Variants in SLC28A1 observed in about 807,000 individuals in gnomAD.
The protein encoded by SLC28A1 is sodium/nucleoside cotransporter 1.
In SLC28A1, 64 loss-of-function variants were observed where a neutral mutation model predicts 74.8. The observed-to-expected ratio is 0.86, with a 90% CI of 0.70 to 1.05. SLC28A1 has a LOEUF of 1.05. SLC28A1 is among the 50% of genes least tolerant of loss of function. The pLI, the probability that SLC28A1 is intolerant of heterozygous loss-of-function variation, is 0.00. For synonymous variants in SLC28A1, 359 were observed against 335.0 expected, an observed-to-expected ratio of 1.07 and a Z score of -0.78; for missense variants, 828 against 822.8, an observed-to-expected ratio of 1.01 and a Z score of -0.08.
At chr15:84,927,893 T>C (rs906697839) in intron 12 of SLC28A1, among the ~76,000 whole-genome samples, 1 of 95,732 alleles carries the variant, frequency 1.0e-5, no homozygotes, top group African/African-American at 4.3e-5. Flanking sequence ...GAAACTTTTT[T>C]TCATGGCAGG....
intron 6 of SLC28A1, among the ~76,000 whole-genome samples, chr15:84,898,602 C>A (rs988341630): frequency 6.7e-6 from 1 of 149,312 alleles, no homozygotes; most frequent in African/African-American, 2.5e-5. Context: ...AAAATACATG[C>A]ATTTGATTTT....
intron 7 of SLC28A1, 27 bp downstream of exon 7, chr15:84,904,265 C>G: frequency 6.2e-7 from 1 of 1,612,808 alleles, no homozygotes. Context: ...GGGCCCAGGG[C>G]TGGAAGTGTT....
chr15:84,945,236 G>T lies in SLC28A1; in HGVS notation c.*36G>T. 6.3e-7 allele frequency: 1 copy of T among 1,592,138 alleles called. No homozygotes were observed. Among genetic ancestry groups the T allele is most frequent in the Non-Finnish European group, 8.6e-7 (1 of 1,160,084 alleles). On this transcript the variant is annotated 3_prime_UTR_variant, in exon 19 of 19. Coordinates refer to ENST00000394573, the MANE Select transcript of SLC28A1 (RefSeq NM_004213.5). ...TGCTTGTGCTTCTGCGCTTCTGAGG[G>T]CTGTTCTCCCCCGGGAACCATCTGT... is the stretch of plus-strand genomic sequence containing the variant.
At chr15:84,892,356 G>T (rs1320781677) in intron 5 of SLC28A1, among the ~76,000 whole-genome samples, 1 of 152,072 alleles carries the variant, frequency 6.6e-6, no homozygotes, top group Admixed American at 6.6e-5. Flanking sequence ...GATGGGGTGG[G>T]TCCATGTCCC....
downstream of SLC28A1, among the ~76,000 whole-genome samples, chr15:84,946,724 C>T (rs979874390): frequency 2.0e-5 from 3 of 152,106 alleles, no homozygotes; most frequent in Admixed American, 6.5e-5. Flanking sequence ...TCACCTCCCT[C>T]GCTGCCTTTC....
chr15:84,888,399 A>C (rs1202476376), intron 3 of SLC28A1, among the ~76,000 whole-genome samples: 49 of 127,304 alleles, frequency 3.8e-4, no homozygotes, highest in South Asian at 6.2e-4. Context: ...AAGAATACCC[A>C]CCCCCCACCC....
intron 9 of SLC28A1, among the ~76,000 whole-genome samples, chr15:84,910,420 T>C (rs16974607): frequency 0.019 from 2,952 of 152,306 alleles, 89 homozygotes; most frequent in African/African-American, 0.067. Context: ...CTCCCGCAGC[T>C]TCTTACACTT....
At position 84,908,671 on chromosome 15, in the gene SLC28A1, T is replaced by C. The variant is rs771569162; in HGVS notation, c.718-47T>C. The C allele has an allele frequency of 3.3e-6, 5 of 1,533,244 alleles. No individual in the cohort carries two copies. In the South Asian group the frequency reaches 5.6e-5, roughly 17 times the overall value. The allele number at this position is 1,533,244 out of a possible 1,614,324, so 95.0% of individuals were successfully genotyped here. A position where few individuals can be genotyped will look rare whatever the true frequency, so the allele number is the denominator to read the frequency against. ...GGCCGCTGCTTCCTCCCTCCTCCCT[T>C]CCCAGCCTCACTGCCTGTTTTTGTT... On this transcript the variant is annotated intron_variant, in intron 8 of 18. Coordinates refer to ENST00000394573, the MANE Select transcript of SLC28A1 (RefSeq NM_004213.5).
Position 84,906,571 on chromosome 15 carries a change from TTTCTTC to T in SLC28A1, c.717+920_717+925del, listed in dbSNP as rs1567140674. The stretch of plus-strand genomic sequence containing the variant: ...TTCTTTCTTTCTTTCTTTCTCTTTC[TTTCTTC>T]CTTCCTTCCTTCCTTCCTTCCTTCC... On this transcript the variant is annotated intron_variant, in intron 8 of 18. Coordinates refer to ENST00000394573, the MANE Select transcript of SLC28A1 (RefSeq NM_004213.5). Among the ~76,000 whole-genome samples the T allele has an allele frequency of 2.7e-3, 114 of 41,496 alleles. 2 individuals carry two copies. The highest frequency in any genetic ancestry group is 8.6e-3 in the African/African-American group (107 of 12,370). The allele number at this position is 41,496 out of a possible 152,430, so 27.2% of individuals were successfully genotyped here.
At chr15:84,926,650 A>G (rs943575651) in intron 12 of SLC28A1, 7 of 413,468 alleles carry the variant, frequency 1.7e-5, no homozygotes, top group African/African-American at 1.3e-4. Context: ...CAGTACAGTC[A>G]TAAGCTGGGT....
chr15:84,935,024 A>G lies in SLC28A1; in HGVS notation c.1215-2A>G, dbSNP rs1188114756. On this transcript the variant is annotated splice_acceptor_variant, in intron 13 of 18. Coordinates refer to ENST00000394573, the MANE Select transcript of SLC28A1 (RefSeq NM_004213.5). LOFTEE classifies it high-confidence loss of function. ...AATGATCATTCTTGATCCCAACAAC[A>G]GAGATGCTCAGAACCTCATAGAAGC... 6.2e-7 allele frequency: 1 copy of G among 1,613,790 alleles called. No individual in the cohort carries two copies.
At chr15:84,909,427 A>G (rs749556998) in intron 9 of SLC28A1, among the ~76,000 whole-genome samples, 1 of 152,234 alleles carries the variant, frequency 6.6e-6, no homozygotes. Context: ...GGAAATGGAG[A>G]TAAAGGCACT....
intron 15 of SLC28A1, among the ~76,000 whole-genome samples, chr15:84,941,515 T>C (rs151172527): frequency 3.9e-5 from 6 of 152,228 alleles, no homozygotes; most frequent in African/African-American, 1.4e-4. Context: ...GGGATTTGTT[T>C]TTTTTTTAAC....
intron 12 of SLC28A1, among the ~76,000 whole-genome samples, chr15:84,928,575 T>TCTCC (rs1970823901): frequency 4.0e-5 from 1 of 24,714 alleles, no homozygotes; most frequent in Non-Finnish European, 6.5e-5. Flanking sequence ...TCTTTCTTTC[T>TCTCC]TTCTTTCTTT....
downstream of SLC28A1, among the ~76,000 whole-genome samples, chr15:84,946,112 ATT>A (rs1165709632): frequency 3.3e-3 from 44 of 13,450 alleles, no homozygotes; most frequent in Admixed American, 0.032. Context: ...ATATATATAT[ATT>A]TTTTTTTTTT....
At chr15:84,896,014 T>G in intron 6 of SLC28A1, 1 of 847,514 alleles carries the variant, frequency 1.2e-6, no homozygotes, top group Non-Finnish European at 1.4e-6. Flanking sequence ...TTGACTTCTC[T>G]TTATTAAATA....
At chr15:84,890,811 G>A (rs560353018) in intron 5 of SLC28A1, among the ~76,000 whole-genome samples, 121 of 152,290 alleles carry the variant, frequency 7.9e-4, no homozygotes, top group African/African-American at 2.7e-3. Context: ...GATGATCAGG[G>A]AGGACTTCCA....
chr15:84,972,225 A>C, the SLC28A1 span, among the ~76,000 whole-genome samples: 1 of 152,158 alleles, frequency 6.6e-6, no homozygotes, highest in Admixed American at 6.5e-5. Flanking sequence ...TTAAAAACCA[A>C]TTGGTTGGAG....
intron 5 of SLC28A1, among the ~76,000 whole-genome samples, chr15:84,894,187 T>A (rs961824694): frequency 1.3e-5 from 2 of 151,836 alleles, no homozygotes; most frequent in South Asian, 4.2e-4. Context: ...GCCTGAGCAA[T>A]ATGGCGAAAC....
Sources: allele counts gnomAD v4.1 joint callset (sites outside exome capture counted in the v4.1 genomes callset), GRCh38; gene constraint gnomAD v4.1.1; transcripts MANE v1.5; gene names NCBI Gene and HGNC (gene_info 2026-07-23, HGNC 2026-07-21).